The following MYRIP variants were observed in gnomAD, a reference collection of about 807,000 sequenced individuals.
MYRIP encodes myosin VIIA and Rab interacting protein.
In MYRIP, 49 loss-of-function variants were observed where a neutral mutation model predicts 98.0. The ratio of observed to expected loss-of-function variants is 0.50; its 90% confidence interval spans 0.40 to 0.63. MYRIP has a LOEUF of 0.63. Among genes scored for constraint, MYRIP ranks in the 30% least tolerant of loss-of-function variants. The pLI is 0.00. For synonymous variants in MYRIP, 404 were observed against 409.5 expected (o/e 0.99, Z 0.16); for missense variants, 1,004 against 1,058.2 (o/e 0.95, Z 0.71).
chr3:40,013,613 G>A (rs1310986561), intron 2 of MYRIP, among the ~76,000 whole-genome samples: 2 of 152,206 alleles, frequency 1.3e-5, no homozygotes, highest in Non-Finnish European at 1.5e-5. Flanking sequence ...GGGACTTCAG[G>A]ATGGGGCTTG....
chr3:40,191,062 A>G (rs997570704), intron 10 of MYRIP, among the ~76,000 whole-genome samples: 1 of 152,234 alleles, frequency 6.6e-6, no homozygotes, highest in African/African-American at 2.4e-5. Flanking sequence ...ACATTATTTC[A>G]ATATTCTGTG....
intron 8 of MYRIP, among the ~76,000 whole-genome samples, chr3:40,176,039 C>T (rs569457207): frequency 6.6e-6 from 1 of 152,312 alleles, no homozygotes; most frequent in East Asian, 1.9e-4. Flanking sequence ...CTCCTGGCCA[C>T]AACATAAGGA....
In MYRIP at chr3:39,876,875, C is replaced by T. The variant is rs548879611; in HGVS notation, c.-30-23912C>T. On this transcript the variant is annotated intron_variant, in intron 1 of 16. Coordinates refer to ENST00000302541, the MANE Select transcript of MYRIP (RefSeq NM_015460.4). Reference sequence around the variant, plus strand: ...GTGGTGTTCTCTGTATTTCCTGAATCTGAATGTTGGCCTGCCTTGCTAGAT... The same window carrying T: ...GTGGTGTTCTCTGTATTTCCTGAATTTGAATGTTGGCCTGCCTTGCTAGAT... Among the ~76,000 whole-genome samples, 1,347 of 151,976 alleles carry T rather than the reference C, an allele frequency of 8.9e-3. 12 individuals carry two copies. The highest frequency in any genetic ancestry group is 0.031 in the African/African-American group (1,270 of 41,368).
intron 1 of MYRIP, among the ~76,000 whole-genome samples, chr3:39,888,577 T>C (rs1179709367): frequency 6.6e-6 from 1 of 152,136 alleles, no homozygotes; most frequent in Non-Finnish European, 1.5e-5. Context: ...ATAAAAACCC[T>C]AGAAGAAAAC....
At chr3:40,102,214 C>A (rs1236306820) in intron 3 of MYRIP, among the ~76,000 whole-genome samples, 1 of 152,096 alleles carries the variant, frequency 6.6e-6, no homozygotes, top group Admixed American at 6.6e-5. Flanking sequence ...AAGGAGTAAA[C>A]CTCAAGTCTT....
At chr3:40,026,377 A>C (rs1290496924) in intron 2 of MYRIP, among the ~76,000 whole-genome samples, 1 of 106,326 alleles carries the variant, frequency 9.4e-6, no homozygotes, top group East Asian at 3.6e-4. Context: ...CATATTGTTC[A>C]AACACATGTT....
intron 15 of MYRIP, among the ~76,000 whole-genome samples, chr3:40,250,891 C>G (rs1465498355): frequency 6.6e-6 from 1 of 152,224 alleles, no homozygotes; most frequent in Non-Finnish European, 1.5e-5. Flanking sequence ...TTCTAAAACT[C>G]CCATCCATCT....
intron 2 of MYRIP, among the ~76,000 whole-genome samples, chr3:39,944,096 A>T (rs539949889): frequency 1.3e-5 from 2 of 152,174 alleles, no homozygotes; most frequent in African/African-American, 2.4e-5. Context: ...TTAAAAAATC[A>T]TACTATTGTA....
chr3:40,213,613 C>CAT (rs1952028740), intron 11 of MYRIP, among the ~76,000 whole-genome samples: 2 of 48,082 alleles, frequency 4.2e-5, no homozygotes, highest in Non-Finnish European at 1.4e-4. Context: ...CTGAGCAACA[C>CAT]ACACACACAC....
chr3:40,136,974 C>T (rs1375450069), intron 3 of MYRIP, among the ~76,000 whole-genome samples: 1 of 152,134 alleles, frequency 6.6e-6, no homozygotes, highest in Non-Finnish European at 1.5e-5. Context: ...ATTAAAAGAA[C>T]TAGAGAAGCA....
At chr3:39,851,001 T>C (rs1480571849) in intron 1 of MYRIP, among the ~76,000 whole-genome samples, 2 of 152,072 alleles carry the variant, frequency 1.3e-5, no homozygotes, top group Admixed American at 6.5e-5. Context: ...AGGAGAGACT[T>C]ACACTGTGTC....
In MYRIP at chr3:39,909,666, T is replaced by C. The variant is rs9817783; in HGVS notation, c.110+8740T>C. ...CTGGATTTTTTAGTGGATTGACACA[T>C]AGGTCTGAGCAGCAGGGAGCATCCT... is the stretch of plus-strand genomic sequence containing the variant. On this transcript the variant is annotated intron_variant, in intron 2 of 16. Transcript: ENST00000302541. Among the ~76,000 whole-genome samples the C allele has an allele frequency of 2.1e-3, 320 of 152,198 alleles. 1 individual carries two copies. The highest frequency in any genetic ancestry group is 6.7e-3 in the African/African-American group (278 of 41,522).
At chr3:40,109,096 A>G (rs879477583) in intron 3 of MYRIP, among the ~76,000 whole-genome samples, 1 of 152,114 alleles carries the variant, frequency 6.6e-6, no homozygotes, top group Non-Finnish European at 1.5e-5. Context: ...AAAGGTTATT[A>G]CCCACTTTTA....
At chr3:40,100,030 G>A (rs976124890) in intron 3 of MYRIP, 1 of 985,126 alleles carries the variant, frequency 1.0e-6, no homozygotes, top group Non-Finnish European at 1.2e-6. Flanking sequence ...CAGTAGCACT[G>A]TGCTGTTCCT....
At chr3:39,861,187 T>C (rs777324380) in intron 1 of MYRIP, among the ~76,000 whole-genome samples, 6 of 152,226 alleles carry the variant, frequency 3.9e-5, no homozygotes, top group Non-Finnish European at 8.8e-5. Flanking sequence ...GGCTTGATGC[T>C]AGCCCCCCAG....
At chr3:40,051,494 G>A (rs965890203) in intron 3 of MYRIP, among the ~76,000 whole-genome samples, 1 of 152,120 alleles carries the variant, frequency 6.6e-6, no homozygotes, top group Non-Finnish European at 1.5e-5. Context: ...ATAGACTACA[G>A]TATAGTCTAT....
intron 1 of MYRIP, among the ~76,000 whole-genome samples, chr3:39,882,396 C>A (rs2125646273): frequency 6.6e-6 from 1 of 152,212 alleles, no homozygotes; most frequent in South Asian, 2.1e-4. Flanking sequence ...ATCTTATCAC[C>A]AGTCTTAAGA....
At chr3:39,956,947 T>C (rs1451842662) in intron 2 of MYRIP, among the ~76,000 whole-genome samples, 4 of 151,866 alleles carry the variant, frequency 2.6e-5, no homozygotes, top group Non-Finnish European at 5.9e-5. Flanking sequence ...GATAAATTCC[T>C]GGACACATAC....
chr3:40,150,465 G>C (rs1406856539), intron 3 of MYRIP, among the ~76,000 whole-genome samples: 1 of 152,210 alleles, frequency 6.6e-6, no homozygotes. Flanking sequence ...GCTTCAATCT[G>C]AATGAGGAAG....
Sources: allele counts gnomAD v4.1 joint callset (sites outside exome capture counted in the v4.1 genomes callset), GRCh38; gene constraint gnomAD v4.1.1; transcripts MANE v1.5; gene names NCBI Gene and HGNC (gene_info 2026-07-23, HGNC 2026-07-21).